OSBP2: variants seen among roughly 807,000 people sequenced by gnomAD.
OSBP2 encodes the protein oxysterol binding protein 2.
OSBP2 carries 66 observed loss-of-function variants against 96.0 expected under a neutral mutation model. That is an observed-to-expected ratio of 0.69 (90% CI 0.56 to 0.84). The LOEUF is 0.84. OSBP2 is among the 40% of genes least tolerant of loss of function. OSBP2 has a pLI of 0.00. For missense variants in OSBP2, 1,038 were observed against 1,222.7 expected, an observed-to-expected ratio of 0.85 and a Z score of 2.25; for synonymous variants, 525 against 520.9, an observed-to-expected ratio of 1.01 and a Z score of -0.11.
intron 1 of OSBP2, among the ~76,000 whole-genome samples, chr22:30,734,930 C>A (rs2089827704): frequency 6.6e-6 from 1 of 152,156 alleles, no homozygotes; most frequent in East Asian, 1.9e-4. Context: ...GTGGCTCATG[C>A]CTATAATCCT....
At chr22:30,722,349 C>T (rs2089564781) in intron 1 of OSBP2, among the ~76,000 whole-genome samples, 1 of 152,138 alleles carries the variant, frequency 6.6e-6, no homozygotes, top group Admixed American at 6.6e-5. Context: ...CCCCATCACC[C>T]AGTGTCAACA....
At chr22:30,765,171 G>A (rs925189917) in intron 2 of OSBP2, among the ~76,000 whole-genome samples, 3 of 152,030 alleles carry the variant, frequency 2.0e-5, no homozygotes, top group African/African-American at 7.2e-5. Context: ...TGGATTACAG[G>A]TGTGAGACAC....
chr22:30,893,349 G>A (rs1415333958), intron 9 of OSBP2, 107 bp downstream of exon 9: 12 of 1,548,514 alleles, frequency 7.7e-6, no homozygotes, highest in Non-Finnish European at 1.1e-5. Context: ...AGACCTCCCT[G>A]TAGGCCTGCC....
intron 1 of OSBP2, among the ~76,000 whole-genome samples, chr22:30,699,066 T>C (rs2089112035): frequency 6.6e-6 from 1 of 152,082 alleles, no homozygotes; most frequent in South Asian, 2.1e-4. Context: ...CTCAGCCTCC[T>C]GAGTAGCTGG....
intron 12 of OSBP2, among the ~76,000 whole-genome samples, chr22:30,899,205 C>A (rs771506723): frequency 2.6e-4 from 39 of 151,748 alleles, no homozygotes; most frequent in Non-Finnish European, 4.7e-4. Context: ...ACAGCAAGAC[C>A]CTGTCTCTAC....
chr22:30,861,008 A>G (rs1393863744), intron 2 of OSBP2, among the ~76,000 whole-genome samples: 1 of 152,102 alleles, frequency 6.6e-6, no homozygotes, highest in Non-Finnish European at 1.5e-5. Flanking sequence ...AGCTTGTCTC[A>G]TGTGCCTCTA....
At chr22:30,902,441 T>A in intron 12 of OSBP2, 1 of 1,586,196 alleles carries the variant, frequency 6.3e-7, no homozygotes, top group South Asian at 1.1e-5. Context: ...CATGTGGACA[T>A]TGCAGAAGGC....
In OSBP2 at chr22:30,695,291, TC is replaced by T. The variant is rs769736045; in HGVS notation, c.385del (p.Arg129GlyfsTer19). Reference sequence around the variant, plus strand: ...CACTAAGGCCGCATCGGAGCCGCTCTCCCGGGCGGTGGGGAGCGCGACCTTT... The same window carrying T: ...CACTAAGGCCGCATCGGAGCCGCTCTCCGGGCGGTGGGGAGCGCGACCTTT... ...PFTKAASEPL[S>X]RAVGSATFLR... On this transcript the variant is annotated frameshift_variant, in exon 1 of 14. Transcript: ENST00000332585. LOFTEE classifies it high-confidence loss of function. The T allele has an allele frequency of 6.2e-7, 1 of 1,613,426 alleles. No individual in the cohort carries two copies. Among genetic ancestry groups the T allele is most frequent in the South Asian group, 1.1e-5 (1 of 91,084 alleles).
chr22:30,755,069 C>T (rs1051616473), intron 2 of OSBP2, among the ~76,000 whole-genome samples: 2 of 152,198 alleles, frequency 1.3e-5, no homozygotes, highest in African/African-American at 2.4e-5. Context: ...TTTCAGCACA[C>T]GCATCTCCAA....
chr22:30,906,383 C>T lies in OSBP2; in HGVS notation c.*44C>T. 6.5e-7 allele frequency: 1 copy of T among 1,544,634 alleles called. No homozygotes were observed. Among genetic ancestry groups the T allele is most frequent in the Non-Finnish European group, 8.7e-7 (1 of 1,145,906 alleles). Reference sequence around the variant, plus strand: ...ATACAGGCGCCTGCACAGCCTGGCCCACCTGTTCATTAATGCACTCAATTT... The same window carrying T: ...ATACAGGCGCCTGCACAGCCTGGCCTACCTGTTCATTAATGCACTCAATTT... On this transcript the variant is annotated 3_prime_UTR_variant, in exon 14 of 14. Coordinates refer to ENST00000332585, the MANE Select transcript of OSBP2 (RefSeq NM_030758.4).
chr22:30,896,593 T>C (rs1172262513), intron 12 of OSBP2, among the ~76,000 whole-genome samples: 1 of 149,558 alleles, frequency 6.7e-6, no homozygotes, highest in Non-Finnish European at 1.5e-5. Flanking sequence ...ATGATTATAA[T>C]AAATATAAAT....
chr22:30,876,836 T>C (rs555367600), intron 3 of OSBP2, among the ~76,000 whole-genome samples: 2 of 152,224 alleles, frequency 1.3e-5, no homozygotes, highest in South Asian at 2.1e-4. Flanking sequence ...CTGAAAAGGA[T>C]ACAAGCCCAT....
chr22:30,888,482 TTTGGGAGGCCAAGGGTAAGAAGA>T, intron 5 of OSBP2, 142 bp downstream of exon 5: 1 of 662,000 alleles, frequency 1.5e-6, no homozygotes, highest in Non-Finnish European at 2.7e-6. Context: ...CTCCCAGCAC[TTTGGGAGGCCAAGGGTAAGAAGA>T]TTGCTTGAAT....
At chr22:30,700,933 C>CA (rs769379004) in intron 1 of OSBP2, among the ~76,000 whole-genome samples, 8,592 of 141,386 alleles carry the variant, frequency 0.061, 267 homozygotes, top group Middle Eastern at 0.13. Flanking sequence ...TTACTATATA[C>CA]AAAAAAAAAA....
At chr22:30,866,642 T>C (rs931900883) in intron 2 of OSBP2, among the ~76,000 whole-genome samples, 4 of 151,886 alleles carry the variant, frequency 2.6e-5, no homozygotes, top group Non-Finnish European at 5.9e-5. Flanking sequence ...GAGGCTGAAG[T>C]GGGAGAATCG....
intron 3 of OSBP2, among the ~76,000 whole-genome samples, chr22:30,873,054 T>C (rs2039492717): frequency 1.3e-5 from 2 of 152,178 alleles, no homozygotes. Flanking sequence ...CCAGGGAGCC[T>C]ATTCAGGCAC....
In OSBP2 at chr22:30,763,344, C is replaced by G. The variant is rs544777524; in HGVS notation, c.853+21975C>G. ...GCTCCTTGAGTGGGATTGGCAGATT[C>G]AAAATATACAAACACAGGTTGGCCG... On this transcript the variant is annotated intron_variant, in intron 2 of 13. Coordinates refer to ENST00000332585, the MANE Select transcript of OSBP2 (RefSeq NM_030758.4). Among the ~76,000 whole-genome samples, 6 of 152,146 alleles carry G rather than the reference C, an allele frequency of 3.9e-5. No individual in the cohort carries two copies. The South Asian group carries it at 6.2e-4, about 16-fold the overall frequency.
chr22:30,693,962 C>G (rs2088971192), upstream of OSBP2: 1 of 1,062,376 alleles, frequency 9.4e-7, no homozygotes, highest in Non-Finnish European at 1.3e-6. Flanking sequence ...GAGACTCAGT[C>G]TCAAAAAGGA....
At chr22:30,847,870 G>A (rs151161517) in intron 2 of OSBP2, among the ~76,000 whole-genome samples, 59 of 151,740 alleles carry the variant, frequency 3.9e-4, no homozygotes, top group African/African-American at 6.8e-4. Flanking sequence ...TTCTTTTTTC[G>A]TCCTCAATCT....
Sources: gnomAD v4.1 joint callset for allele counts (sites outside exome capture counted in the v4.1 genomes callset) on GRCh38, gnomAD v4.1.1 for gene constraint, MANE v1.5 for transcripts, NCBI Gene and HGNC (gene_info 2026-07-23, HGNC 2026-07-21) for gene names.